COL11A2: variants seen among roughly 807,000 people sequenced by gnomAD.
COL11A2 encodes collagen type XI alpha 2 chain.
In COL11A2, 116 loss-of-function variants were observed where a neutral mutation model predicts 273.4. The observed-to-expected ratio is 0.42, with a 90% CI of 0.36 to 0.49. COL11A2 has a LOEUF of 0.49. Among genes scored for constraint, COL11A2 ranks in the 20% least tolerant of loss-of-function variants. The probability of loss-of-function intolerance (pLI) is 0.00; values close to 1 mark genes in which losing one functional copy is unlikely to be tolerated. For missense variants in COL11A2, 1,866 were observed against 2,309.0 expected (o/e 0.81, Z 3.93); for synonymous variants, 782 against 864.2 (o/e 0.90, Z 1.67).
At chr6:33,172,246 G>A in intron 40 of COL11A2, 43 bp downstream of exon 40, 1 of 1,581,182 alleles carries the variant, frequency 6.3e-7, no homozygotes, top group Non-Finnish European at 8.6e-7. Context: ...GACTCAGGAT[G>A]CTTGGTGCTT....
Position 33,176,270 on chromosome 6 carries a change from T to TA in COL11A2, c.2202dup (p.Lys735Ter). 1 of 1,608,266 alleles carries TA rather than the reference T, an allele frequency of 6.2e-7. No homozygotes were observed. The highest frequency in any genetic ancestry group is 8.5e-7 in the Non-Finnish European group (1 of 1,177,676). ...GGCATGGTGCTCACCTTCTCACCCT[T>TA]ATGACCCTTCAGACCCCGAATTCCG... On this transcript the variant is annotated frameshift_variant, in exon 28 of 66. Coordinates refer to ENST00000341947, the MANE Select transcript of COL11A2 (RefSeq NM_080680.3). LOFTEE classifies it high-confidence loss of function. This position sits in a 1 kb window ranked among gnomAD's most constrained non-coding sequence, Gnocchi z 4.9.
rs766082539 is a variant in COL11A2 at position 33,178,179 on chromosome 6, G to C, written c.1825C>G (p.Arg609Gly). Residue 609 changes from arginine (R) to glycine (G), a missense_variant, in exon 21 of 66, where the codon CGA becomes GGA. Arg to Gly is a moderately radical substitution (Grantham distance 125, BLOSUM62 -2). Transcript: ENST00000341947. This position sits in a 1 kb window ranked among gnomAD's most constrained non-coding sequence, Gnocchi z 4.6. ...GGGCCTTTGGGGCCAAGGAGACCTC[G>C]AGGTCCCTGCATTCACGGTGAGGGG... The part of the protein sequence containing the change: ...PRGLPGESGP[R>G]GLLGPKGPPG... The C allele has an allele frequency of 1.2e-6, 2 of 1,611,774 alleles. No individual in the cohort carries two copies. Among genetic ancestry groups the C allele is most frequent in the South Asian group, 2.2e-5 (2 of 91,020 alleles).
chr6:33,191,638 C>T (rs9461847), intron 1 of COL11A2, among the ~76,000 whole-genome samples: 4,030 of 152,284 alleles, frequency 0.026, 186 homozygotes, highest in African/African-American at 0.09. Context: ...GTGGCAGCAT[C>T]GAGGGCACAG....
Position 33,173,157 on chromosome 6 carries a change from C to A in COL11A2, c.2737-44G>T. 3 of 1,589,894 alleles carry A rather than the reference C, an allele frequency of 1.9e-6. No individual in the cohort carries two copies. The highest frequency in any genetic ancestry group is 2.6e-6 in the Non-Finnish European group (3 of 1,166,712). On this transcript the variant is annotated intron_variant, in intron 37 of 65. Transcript: ENST00000341947. The surrounding 1 kb of genome is among the most constrained non-coding windows in gnomAD (Gnocchi z 6.3). ...AGAATGCAGTGAAAGCAGGTGTGGG[C>A]GCTGTGGGGCAGATTCCCAGGAGGA...
chr6:33,172,179 C>A, intron 40 of COL11A2, 76 bp from the exon 41 acceptor site: 1 of 1,596,812 alleles, frequency 6.3e-7, no homozygotes, highest in Non-Finnish European at 8.6e-7. Context: ...AAGACAGGCT[C>A]CAAAAGATGG....
intron 30 of COL11A2, 79 bp from the exon 31 acceptor site, chr6:33,174,659 T>A: frequency 7.2e-7 from 1 of 1,391,708 alleles, no homozygotes; most frequent in South Asian, 1.2e-5. Flanking sequence ...AACCCTCACA[T>A]ATAACAGCCA....
upstream of COL11A2, among the ~76,000 whole-genome samples, chr6:33,193,429 C>A (rs946655816): frequency 4.8e-5 from 7 of 145,508 alleles, no homozygotes; most frequent in Non-Finnish European, 1.1e-4. Flanking sequence ...CTCTCCCCCC[C>A]TCCCCGACAA....
chr6:33,169,139 C>T lies in COL11A2; in HGVS notation c.3799-131G>A. 3.4e-6 allele frequency: 3 copies of T among 879,296 alleles called. No individual in the cohort carries two copies. Among genetic ancestry groups the T allele is most frequent in the African/African-American group, 1.7e-5 (1 of 58,850 alleles). The allele number at this position is 879,296 out of a possible 1,614,324, so 54.5% of individuals were successfully genotyped here. A position where few individuals can be genotyped will look rare whatever the true frequency, so the allele number is the denominator to read the frequency against. ...GTACCCCCCAGGAAGAGGTCTCCTG[C>T]ACCCCTTTCCCTACCACGTGCACTG... is the stretch of plus-strand genomic sequence containing the variant. On this transcript the variant is annotated intron_variant, in intron 51 of 65. Coordinates refer to ENST00000341947, the MANE Select transcript of COL11A2 (RefSeq NM_080680.3). The surrounding 1 kb of genome is among the most constrained non-coding windows in gnomAD (Gnocchi z 5.5).
Position 33,170,793 on chromosome 6 carries a change from C to A in COL11A2, c.3474+17G>T. On this transcript the variant is annotated intron_variant, in intron 46 of 65. Coordinates refer to ENST00000341947, the MANE Select transcript of COL11A2 (RefSeq NM_080680.3). The surrounding 1 kb of genome is among the most constrained non-coding windows in gnomAD (Gnocchi z 4.3). ...CCTGACCCCACCTCTCAGCCCCTGT[C>A]CTATCCCCCAACACACCTGTAGGCC... 1 of 1,611,200 alleles carries A rather than the reference C, an allele frequency of 6.2e-7. No homozygotes were observed. Among genetic ancestry groups the A allele is most frequent in the Non-Finnish European group, 8.5e-7 (1 of 1,178,662 alleles).
At position 33,176,724 on chromosome 6, in the gene COL11A2, GT is replaced by G. The variant is rs1770958274; in HGVS notation, c.2111del (p.Asn704ThrfsTer11). 1 of 1,613,128 alleles carries G rather than the reference GT, an allele frequency of 6.2e-7. No individual in the cohort carries two copies. The highest frequency in any genetic ancestry group is 8.5e-7 in the Non-Finnish European group (1 of 1,179,596). On this transcript the variant is annotated frameshift_variant, in exon 26 of 66. Transcript: ENST00000341947. LOFTEE classifies it high-confidence loss of function. The surrounding 1 kb of genome is among the most constrained non-coding windows in gnomAD (Gnocchi z 4.9). ...GKEGPPGTKG[N>X]QGPSGPQGPL... ...ATAAAGACATGGAAGATCTCACCTGGTTTCCTTTGGTTCCAGGGGGACCTTC... is the reference window on the plus strand; with the variant it reads ...ATAAAGACATGGAAGATCTCACCTGGTTCCTTTGGTTCCAGGGGGACCTTC...
At chr6:33,172,897 C>A (rs571903476) in intron 38 of COL11A2, among the ~76,000 whole-genome samples, 163 bp downstream of exon 38, 1 of 152,278 alleles carries the variant, frequency 6.6e-6, no homozygotes, top group Non-Finnish European at 1.5e-5. Context: ...CCAAAACAGA[C>A]TGAAGTTCAG....
Position 33,189,462 on chromosome 6 carries a change from G to A in COL11A2, c.90C>T (p.Pro30=), listed in dbSNP as rs2150625655. ...TCAGGGCCCGGAGCACATCCACAGG[G>A]GGTGCACCTGGGAGAGTCCATGATT... The part of the protein sequence containing the change: ...LSAAPGWAGA[P]PVDVLRALRF... Residue 30 remains proline, a synonymous_variant, in exon 2 of 66, where the codon CCC becomes CCT. Coordinates refer to ENST00000341947, the MANE Select transcript of COL11A2 (RefSeq NM_080680.3). The surrounding 1 kb of genome is among the most constrained non-coding windows in gnomAD (Gnocchi z 5.6). The A allele has an allele frequency of 6.2e-7, 1 of 1,613,024 alleles. No homozygotes were observed. The highest frequency in any genetic ancestry group is 8.5e-7 in the Non-Finnish European group (1 of 1,180,008).
chr6:33,163,694 A>C lies in COL11A2; in HGVS notation c.5195T>G (p.Val1732Gly), dbSNP rs777836375. Residue 1732 changes from valine to glycine, a missense_variant, in exon 66 of 66, where the codon GTC becomes GGC. Val to Gly is a moderately radical substitution (Grantham distance 109). Coordinates refer to ENST00000341947, the MANE Select transcript of COL11A2 (RefSeq NM_080680.3). This position sits in a 1 kb window ranked among gnomAD's most constrained non-coding sequence, Gnocchi z 4.1. ...GAGACGGTCCTATCCCATGAAGCAG[A>C]CAGGCCCCAGCAGCACCCCTCCCCG... ...PRRGGVLLGP[V>G]CFMG 1 of 1,613,002 alleles carries C rather than the reference A, an allele frequency of 6.2e-7. No individual in the cohort carries two copies. The highest frequency in any genetic ancestry group is 8.5e-7 in the Non-Finnish European group (1 of 1,179,992).
At position 33,185,781 on chromosome 6, in the gene COL11A2, G is replaced by A. The variant is rs1772340099; in HGVS notation, c.799-3C>T. ...TCATAGTAGAGAGACTCAGTGGGCT[G>A]GGATTGGGGGGTGGGCATAGACAGG... On this transcript the variant is annotated splice_region_variant and splice_polypyrimidine_tract_variant and intron_variant, in intron 5 of 65. Coordinates refer to ENST00000341947, the MANE Select transcript of COL11A2 (RefSeq NM_080680.3). The A allele has an allele frequency of 2.3e-6, 3 of 1,280,816 alleles. No individual in the cohort carries two copies. The African/African-American group carries it at 4.6e-5, about 19-fold the overall frequency. 79.3% of individuals were successfully genotyped at this position (1,280,816 alleles called of 1,614,324 possible). A position where few individuals can be genotyped will look rare whatever the true frequency, so the allele number is the denominator to read the frequency against.
chr6:33,174,161 T>C lies in COL11A2; in HGVS notation c.2484+4A>G. 1 of 1,586,796 alleles carries C rather than the reference T, an allele frequency of 6.3e-7. No individual in the cohort carries two copies. The highest frequency in any genetic ancestry group is 2.3e-5 in the East Asian group (1 of 42,908). ...TTCTCACGCCCTCCCACCCCCCAGC[T>C]TACCCGGGCTCCCTTCTCTCCACTG... On this transcript the variant is annotated splice_donor_region_variant and intron_variant, in intron 32 of 65. Transcript: ENST00000341947.
chr6:33,163,619 ATGT>A lies in COL11A2; in HGVS notation c.*56_*58del, dbSNP rs1387961858. 1.2e-6 allele frequency: 2 copies of A among 1,612,102 alleles called. No individual in the cohort carries two copies. The highest frequency in any genetic ancestry group is 1.7e-6 in the Non-Finnish European group (2 of 1,179,376). On this transcript the variant is annotated 3_prime_UTR_variant, in exon 66 of 66. Coordinates refer to ENST00000341947, the MANE Select transcript of COL11A2 (RefSeq NM_080680.3). The surrounding 1 kb of genome is among the most constrained non-coding windows in gnomAD (Gnocchi z 4.1). ...CCTCTTGGGAGGTGGCACAGAGCTG[ATGT>A]TGTGGGATTCCAGGTGGGCCTGGTT...
chr6:33,175,436 T>A (rs758842078), intron 30 of COL11A2, 138 bp downstream of exon 30: 1 of 751,756 alleles, frequency 1.3e-6, no homozygotes, highest in South Asian at 1.4e-5. Context: ...AGAGATGCCA[T>A]TTACACAGAC....
rs780270414 is a variant in COL11A2 at position 33,167,504 on chromosome 6, C to A, written c.4044G>T (p.Gly1348=). 3.1e-6 allele frequency: 5 copies of A among 1,612,722 alleles called. No homozygotes were observed. Among genetic ancestry groups the A allele is most frequent in the Non-Finnish European group, 4.2e-6 (5 of 1,180,032 alleles). ...CTGCAGGACCCACCGGGCCTGTCTT[C>A]CCCGGGGCACCTATAGCGCCAGGAT... ...KGDPGAIGAP[G]KTGPVGPAGP... is the part of the protein sequence containing the mutation. Residue 1348 remains glycine, a synonymous_variant, in exon 56 of 66, where the codon GGG becomes GGT. Transcript: ENST00000341947. The surrounding 1 kb of genome is among the most constrained non-coding windows in gnomAD (Gnocchi z 6.1).
chr6:33,175,413 C>T (rs1472624672), intron 30 of COL11A2, 161 bp downstream of exon 30: 1 of 711,882 alleles, frequency 1.4e-6, no homozygotes, highest in East Asian at 2.7e-5. Context: ...TCCCCTCTGC[C>T]CATCAGCAGC....
Sources: allele counts gnomAD v4.1 joint callset (sites outside exome capture counted in the v4.1 genomes callset), GRCh38; gene constraint gnomAD v4.1.1; non-coding constraint Gnocchi (gnomAD v3.1); transcripts MANE v1.5; gene names NCBI Gene and HGNC (gene_info 2026-07-23, HGNC 2026-07-21).